FAF1: variants seen among roughly 807,000 people sequenced by gnomAD.
FAF1 encodes the protein FAS-associated factor 1.
Under a neutral mutation model 92.5 loss-of-function variants are expected in FAF1, and 25 were observed. The observed-to-expected ratio is 0.27, with a 90% confidence interval of 0.20 to 0.38. The LOEUF (loss-of-function observed/expected upper bound fraction) is 0.38, where lower values mean the gene tolerates loss of function less well. FAF1 is among the 10% of genes least tolerant of loss of function. The probability of loss-of-function intolerance (pLI) is 1.00; values close to 1 mark genes in which losing one functional copy is unlikely to be tolerated. For synonymous variants in FAF1, 234 were observed against 273.2 expected, an observed-to-expected ratio of 0.86 and a Z score of 1.42; for missense variants, 636 against 793.3, an observed-to-expected ratio of 0.80 and a Z score of 2.38.
chr1:50,813,766 C>T (rs531067293), intron 2 of FAF1, among the ~76,000 whole-genome samples: 21 of 151,914 alleles, frequency 1.4e-4, no homozygotes, highest in Non-Finnish European at 2.2e-4. Flanking sequence ...ACTGTATTGT[C>T]GGCATCTCTC....
chr1:50,703,529 C>A (rs1657556543), intron 7 of FAF1, among the ~76,000 whole-genome samples: 1 of 151,936 alleles, frequency 6.6e-6, no homozygotes, highest in Non-Finnish European at 1.5e-5. Context: ...ACATAAGTAG[C>A]AACTGCATTT....
chr1:50,767,500 A>T (rs1660618747), intron 4 of FAF1, among the ~76,000 whole-genome samples: 1 of 152,212 alleles, frequency 6.6e-6, no homozygotes, highest in East Asian at 1.9e-4. Context: ...ACTATGCCCA[A>T]GACACATAGT....
chr1:50,692,779 A>T (rs1405449363), intron 7 of FAF1, among the ~76,000 whole-genome samples: 1 of 152,062 alleles, frequency 6.6e-6, no homozygotes, highest in East Asian at 1.9e-4. Context: ...CACTGATTTC[A>T]ATTTCTTTGG....
At chr1:50,668,298 C>A (rs1032199171) in intron 7 of FAF1, among the ~76,000 whole-genome samples, 1 of 152,152 alleles carries the variant, frequency 6.6e-6, no homozygotes, top group South Asian at 2.1e-4. Flanking sequence ...ACTAACGCAC[C>A]AAAGACAACC....
intron 4 of FAF1, among the ~76,000 whole-genome samples, chr1:50,762,104 A>G (rs1301772685): frequency 6.6e-6 from 1 of 152,202 alleles, no homozygotes; most frequent in Non-Finnish European, 1.5e-5. Flanking sequence ...TTCAAAGAGA[A>G]TAAAACACCT....
intron 1 of FAF1, among the ~76,000 whole-genome samples, chr1:50,887,604 G>A (rs375128689): frequency 2.8e-4 from 42 of 152,102 alleles, no homozygotes; most frequent in East Asian, 9.6e-4. Context: ...ATGGCTAGCC[G>A]GTTTTCCCAG....
intron 1 of FAF1, among the ~76,000 whole-genome samples, chr1:50,905,554 C>T (rs1644830762): frequency 6.6e-6 from 1 of 152,128 alleles, no homozygotes; most frequent in African/African-American, 2.4e-5. Context: ...CTGCAGTTTC[C>T]TGACTTTTTA....
intron 18 of FAF1, among the ~76,000 whole-genome samples, chr1:50,452,531 G>C (rs1646306525): frequency 6.6e-6 from 1 of 152,186 alleles, no homozygotes; most frequent in Admixed American, 6.5e-5. Context: ...CACTGAGTTA[G>C]GGGACATGCC....
At chr1:50,587,709 TACGC>T (rs1244130842) in intron 9 of FAF1, among the ~76,000 whole-genome samples, 3 of 152,218 alleles carry the variant, frequency 2.0e-5, no homozygotes, top group Non-Finnish European at 4.4e-5. Context: ...TGTTAAGTGC[TACGC>T]TGTTTGGACC....
intron 18 of FAF1, among the ~76,000 whole-genome samples, chr1:50,450,788 T>G (rs1438050546): frequency 6.6e-6 from 1 of 152,218 alleles, no homozygotes; most frequent in Non-Finnish European, 1.5e-5. Flanking sequence ...TAAAGTCCTT[T>G]GCAACATAAG....
At chr1:50,610,377 A>G (rs1652633655) in intron 8 of FAF1, among the ~76,000 whole-genome samples, 1 of 152,244 alleles carries the variant, frequency 6.6e-6, no homozygotes, top group African/African-American at 2.4e-5. Context: ...ATGGCTTACC[A>G]CAAAAAGAAG....
At chr1:50,910,158 T>C (rs553397497) in intron 1 of FAF1, among the ~76,000 whole-genome samples, 44 of 152,188 alleles carry the variant, frequency 2.9e-4, no homozygotes, top group African/African-American at 1.0e-3. Context: ...CTCCAGACCC[T>C]GTTTGCCTGG....
intron 8 of FAF1, among the ~76,000 whole-genome samples, chr1:50,636,538 T>G (rs988270521): frequency 6.6e-6 from 1 of 151,970 alleles, no homozygotes; most frequent in Non-Finnish European, 1.5e-5. Flanking sequence ...ATACTTTTAG[T>G]AGAGAGGGGA....
At chr1:50,591,729 A>G (rs1229698219) in intron 9 of FAF1, among the ~76,000 whole-genome samples, 2 of 150,936 alleles carry the variant, frequency 1.3e-5, no homozygotes, top group African/African-American at 4.9e-5. Flanking sequence ...CAAATTCTCA[A>G]TGTGTCATAC....
chr1:50,530,130 T>C (rs1354874674), intron 15 of FAF1, among the ~76,000 whole-genome samples: 1 of 152,058 alleles, frequency 6.6e-6, no homozygotes, highest in Non-Finnish European at 1.5e-5. Context: ...AAAAATATCG[T>C]ATTTTTGGAT....
At chr1:50,507,611 G>A (rs1647074879) in intron 15 of FAF1, among the ~76,000 whole-genome samples, 1 of 152,166 alleles carries the variant, frequency 6.6e-6, no homozygotes, top group South Asian at 2.1e-4. Flanking sequence ...TAGCTACTCA[G>A]GAAGCTGAGG....
intron 4 of FAF1, among the ~76,000 whole-genome samples, chr1:50,756,383 C>T (rs753770851): frequency 7.9e-5 from 12 of 152,230 alleles, no homozygotes; most frequent in African/African-American, 2.7e-4. Flanking sequence ...TCATCTCCAT[C>T]TAAGACCACC....
intron 4 of FAF1, among the ~76,000 whole-genome samples, chr1:50,772,375 A>T (rs1660805492): frequency 6.6e-6 from 1 of 152,158 alleles, no homozygotes; most frequent in Non-Finnish European, 1.5e-5. Context: ...ATCAATCATC[A>T]CACCATAAAA....
chr1:50,483,160 G>A (rs1209661926), intron 17 of FAF1, among the ~76,000 whole-genome samples: 3 of 152,070 alleles, frequency 2.0e-5, no homozygotes, highest in Non-Finnish European at 4.4e-5. Context: ...TTTTGCTTGT[G>A]ATGCAATATA....
Sources: gnomAD v4.1 joint callset for allele counts (sites outside exome capture counted in the v4.1 genomes callset) on GRCh38, gnomAD v4.1.1 for gene constraint, MANE v1.5 for transcripts, NCBI Gene and HGNC (gene_info 2026-07-23, HGNC 2026-07-21) for gene names.